The following MICAL3 variants were observed in gnomAD, a reference collection of about 807,000 sequenced individuals.
MICAL3 encodes the protein microtubule associated monooxygenase, calponin and LIM domain containing 3, also known as [F-actin]-monooxygenase MICAL3.
MICAL3 carries 62 observed loss-of-function variants against 207.4 expected under a neutral mutation model. The observed-to-expected ratio is 0.30, with a 90% confidence interval of 0.24 to 0.37. The LOEUF (loss-of-function observed/expected upper bound fraction) is 0.37, where lower values mean the gene tolerates loss of function less well. MICAL3 is among the 10% of genes least tolerant of loss of function. MICAL3 has a pLI of 1.00. For synonymous variants in MICAL3, 1,077 were observed against 1,069.3 expected, an observed-to-expected ratio of 1.01 and a Z score of -0.14; for missense variants, 2,368 against 2,635.6, an observed-to-expected ratio of 0.90 and a Z score of 2.22.
chr22:17,949,143 G>A (rs1751563411), intron 1 of MICAL3, among the ~76,000 whole-genome samples: 2 of 152,064 alleles, frequency 1.3e-5, no homozygotes, highest in Admixed American at 1.3e-4. Flanking sequence ...CCAGGAGGTG[G>A]CGGTTGTAGT....
At chr22:17,910,807 G>T (rs1932090141) in intron 1 of MICAL3, among the ~76,000 whole-genome samples, 1 of 152,178 alleles carries the variant, frequency 6.6e-6, no homozygotes, top group Admixed American at 6.5e-5. Context: ...GCAGAGCAGG[G>T]CTATTTCTGT....
chr22:17,981,697 C>T (rs528054881), intron 1 of MICAL3, among the ~76,000 whole-genome samples: 1 of 152,286 alleles, frequency 6.6e-6, no homozygotes, highest in Admixed American at 6.5e-5. Context: ...GTGTCTCCAC[C>T]ACAGACACAG....
chr22:17,832,816 A>G (rs1922948212), intron 20 of MICAL3, among the ~76,000 whole-genome samples: 1 of 152,092 alleles, frequency 6.6e-6, no homozygotes, highest in Non-Finnish European at 1.5e-5. Context: ...GGGTGGGGCG[A>G]CAGATTCCAT....
intron 16 of MICAL3, among the ~76,000 whole-genome samples, chr22:17,880,667 C>T (rs1425160597): frequency 6.6e-6 from 1 of 152,154 alleles, no homozygotes; most frequent in African/African-American, 2.4e-5. Flanking sequence ...TCCTCACTGG[C>T]CACAGCTGTG....
intron 16 of MICAL3, among the ~76,000 whole-genome samples, chr22:17,873,298 GCCAT>G (rs1368381088): frequency 6.6e-6 from 1 of 152,244 alleles, no homozygotes; most frequent in Admixed American, 6.5e-5. Flanking sequence ...GGTCCAGGAG[GCCAT>G]CTCCTCACTC....
intron 5 of MICAL3, 132 bp downstream of exon 5, chr22:17,901,746 C>G: frequency 1.9e-6 from 1 of 538,180 alleles, no homozygotes; most frequent in Non-Finnish European, 3.2e-6. Context: ...GCCTGCCATT[C>G]CATCAGGGCA....
chr22:18,019,651 C>T (rs895088579), intron 1 of MICAL3: 3 of 152,390 alleles, frequency 2.0e-5, no homozygotes, highest in African/African-American at 2.4e-5. Flanking sequence ...GCTGAGATCG[C>T]GCCATTGCAC....
intron 29 of MICAL3, among the ~76,000 whole-genome samples, chr22:17,799,972 A>C (rs1439161523): frequency 6.7e-6 from 1 of 148,526 alleles, no homozygotes; most frequent in Non-Finnish European, 1.5e-5. Context: ...ACACACACAC[A>C]CACACACACA....
intron 16 of MICAL3, among the ~76,000 whole-genome samples, chr22:17,877,081 T>TGGAGGTTATGGAGGTTAG (rs1189938402): frequency 4.4e-5 from 3 of 68,190 alleles, no homozygotes; most frequent in Non-Finnish European, 6.6e-5. Flanking sequence ...AGGGAAGTTA[T>TGGAGGTTATGGAGGTTAG]GGAGGTTATG....
intron 1 of MICAL3, among the ~76,000 whole-genome samples, chr22:17,933,103 G>A (rs1420981212): frequency 6.6e-6 from 1 of 152,038 alleles, no homozygotes; most frequent in Non-Finnish European, 1.5e-5. Flanking sequence ...CCTGAACTCG[G>A]CTCTGCACCA....
At chr22:18,000,803 T>C (rs1922884135) in intron 1 of MICAL3, among the ~76,000 whole-genome samples, 1 of 152,094 alleles carries the variant, frequency 6.6e-6, no homozygotes, top group South Asian at 2.1e-4. Flanking sequence ...GCCACCTACC[T>C]GCCAGGGTCG....
intron 20 of MICAL3, among the ~76,000 whole-genome samples, chr22:17,837,897 G>A (rs931756086): frequency 4.6e-5 from 7 of 152,162 alleles, no homozygotes; most frequent in African/African-American, 1.7e-4. Context: ...TGTCACCCAG[G>A]CAGTGAACTC....
intron 1 of MICAL3, among the ~76,000 whole-genome samples, chr22:18,016,757 A>G (rs546159588): frequency 1.3e-5 from 2 of 152,108 alleles, no homozygotes; most frequent in South Asian, 2.1e-4. Context: ...TGGCTAACAC[A>G]GTGAAACCCC....
intron 19 of MICAL3, among the ~76,000 whole-genome samples, chr22:17,857,501 C>G (rs1926065320): frequency 6.6e-6 from 1 of 152,228 alleles, no homozygotes; most frequent in Non-Finnish European, 1.5e-5. Flanking sequence ...TGCGGCGTGG[C>G]TCTTCTCCCG....
intron 1 of MICAL3, among the ~76,000 whole-genome samples, chr22:17,960,211 T>A (rs192017793): frequency 3.0e-4 from 46 of 152,368 alleles, no homozygotes; most frequent in African/African-American, 9.6e-4. Context: ...TCATGGGTGC[T>A]GTTCTCACTA....
chr22:17,875,679 T>C (rs1467677247), intron 16 of MICAL3: 3 of 249,284 alleles, frequency 1.2e-5, no homozygotes, highest in South Asian at 6.3e-5. Context: ...ATACCATGTA[T>C]AGTAAAAAAA....
chr22:17,843,074 T>C (rs1602032087), intron 19 of MICAL3, among the ~76,000 whole-genome samples: 4 of 137,202 alleles, frequency 2.9e-5, no homozygotes, highest in Non-Finnish European at 4.6e-5. Flanking sequence ...TGAACCGAGA[T>C]TGCGCCACTG....
intron 17 of MICAL3, among the ~76,000 whole-genome samples, chr22:17,867,938 G>A (rs112073471): frequency 6.6e-6 from 1 of 152,308 alleles, no homozygotes; most frequent in African/African-American, 2.4e-5. Flanking sequence ...AGATCTTAAA[G>A]TATAACTCAA....
chr22:17,887,396 A>C lies in MICAL3; in HGVS notation c.1931T>G (p.Ile644Arg). 1.2e-5 allele frequency: 19 copies of C among 1,613,982 alleles called. No individual in the cohort carries two copies. Among genetic ancestry groups the C allele is most frequent in the Non-Finnish European group, 1.6e-5 (19 of 1,179,886 alleles). ...GGAGATAGGGGATCTGGTGCTGGCT[A>C]TCAGGACTGCTTTCTCCTCGGCATT... ...DLNAEEKAVL[I>R]ASTRSPISFL... is the part of the protein sequence containing the mutation. Residue 644 changes from isoleucine to arginine, a missense_variant, in exon 14 of 32, where the codon ATA (isoleucine) becomes AGA (arginine). Physicochemically the swap from Ile to Arg is moderately conservative, Grantham distance 97 (BLOSUM62 -3). Around this residue, in one of 4 missense-constraint regions of MICAL3, gnomAD observed 1,770 missense variants for 1,863.2 expected, o/e 0.95. Coordinates refer to ENST00000441493, the MANE Select transcript of MICAL3 (RefSeq NM_015241.3).
Sources: allele counts gnomAD v4.1 joint callset (sites outside exome capture counted in the v4.1 genomes callset), GRCh38; gene constraint gnomAD v4.1.1; regional missense constraint gnomAD v4.1.1; transcripts MANE v1.5; gene names NCBI Gene and HGNC (gene_info 2026-07-23, HGNC 2026-07-21).